Variants in YJU2 observed in about 807,000 individuals in gnomAD.
The protein encoded by YJU2 is splicing factor YJU2.
In YJU2, 28 loss-of-function variants were observed where a neutral mutation model predicts 39.6. That is an observed-to-expected ratio of 0.71 (90% CI 0.52 to 0.97). The LOEUF is 0.97. YJU2 is among the 50% of genes least tolerant of loss of function. The pLI is 0.00. For missense variants in YJU2, 328 were observed against 430.4 expected, an observed-to-expected ratio of 0.76 and a Z score of 2.11; for synonymous variants, 184 against 182.4, an observed-to-expected ratio of 1.01 and a Z score of -0.07.
chr19:4,249,797 C>A (rs1970961145), intron 2 of YJU2, among the ~76,000 whole-genome samples: 1 of 152,024 alleles, frequency 6.6e-6, no homozygotes, highest in South Asian at 2.1e-4. Flanking sequence ...ACCTCCACCT[C>A]CTGGCTTCAA....
At chr19:4,250,112 C>T (rs924686348) in intron 2 of YJU2, among the ~76,000 whole-genome samples, 1 of 152,188 alleles carries the variant, frequency 6.6e-6, no homozygotes, top group Non-Finnish European at 1.5e-5. Context: ...GTGCCCAGAT[C>T]TTGCCTTTTG....
At chr19:4,267,373 G>A (rs928401339) in intron 6 of YJU2, among the ~76,000 whole-genome samples, 5 of 152,208 alleles carry the variant, frequency 3.3e-5, no homozygotes, top group Non-Finnish European at 5.9e-5. Flanking sequence ...GGGTAAAGGC[G>A]TGGAGATGAG....
chr19:4,261,843 A>T (rs1480735323), intron 5 of YJU2, 151 bp from the exon 6 acceptor site: 5 of 686,992 alleles, frequency 7.3e-6, no homozygotes, highest in Non-Finnish European at 1.2e-5. Flanking sequence ...AAAAAAAAGT[A>T]ATCTGTGCTC....
chr19:4,263,793 G>C (rs979336665), intron 6 of YJU2, among the ~76,000 whole-genome samples: 1 of 135,778 alleles, frequency 7.4e-6, no homozygotes, highest in African/African-American at 2.9e-5. Flanking sequence ...CTGGGCAACA[G>C]AGTGAGACTC....
chr19:4,268,759 A>G lies in YJU2; in HGVS notation c.*63A>G. 8.2e-7 allele frequency: 1 copy of G among 1,224,474 alleles called. No homozygotes were observed. Among genetic ancestry groups the G allele is most frequent in the Non-Finnish European group, 1.2e-6 (1 of 847,418 alleles). 75.9% of individuals were successfully genotyped at this position (1,224,474 alleles called of 1,614,324 possible). A position where few individuals can be genotyped will look rare whatever the true frequency, so the allele number is the denominator to read the frequency against. ...GTCCAGCTTCAGCCACATTGAGGCC[A>G]GCATTGCTGGTGGTCAGGGCAGGAG... is the stretch of plus-strand genomic sequence containing the variant. On this transcript the variant is annotated 3_prime_UTR_variant, in exon 8 of 8. Coordinates refer to ENST00000262962, the MANE Select transcript of YJU2 (RefSeq NM_018074.6).
intron 3 of YJU2, among the ~76,000 whole-genome samples, 163 bp downstream of exon 3, chr19:4,251,334 T>C (rs1203423705): frequency 6.6e-6 from 1 of 152,028 alleles, no homozygotes; most frequent in African/African-American, 2.4e-5. Context: ...CATGGCAGCA[T>C]TCTAAATAAA....
intron 3 of YJU2, among the ~76,000 whole-genome samples, chr19:4,253,198 TACACACACACACACACACAC>T (rs58339658): frequency 2.2e-5 from 3 of 139,076 alleles, no homozygotes; most frequent in Non-Finnish European, 3.1e-5. Flanking sequence ...TGTCCGTGTC[TACACACACACACACACACAC>T]ACACACACAC....
At chr19:4,258,553 C>T in intron 5 of YJU2, 130 bp downstream of exon 5, 1 of 1,370,988 alleles carries the variant, frequency 7.3e-7, no homozygotes. Context: ...CACCGCCCAT[C>T]TCACTTTCTC....
At chr19:4,258,599 G>C (rs1971043423) in intron 5 of YJU2, among the ~76,000 whole-genome samples, 176 bp downstream of exon 5, 1 of 152,238 alleles carries the variant, frequency 6.6e-6, no homozygotes, top group Non-Finnish European at 1.5e-5. Flanking sequence ...CCAGGCCACT[G>C]CCGGGCACGG....
At chr19:4,259,075 T>C (rs1971048743) in intron 5 of YJU2, among the ~76,000 whole-genome samples, 3 of 111,156 alleles carry the variant, frequency 2.7e-5, no homozygotes, top group African/African-American at 9.4e-5. Context: ...ACTTTTCTTT[T>C]TTTTTTTTTT....
Position 4,267,765 on chromosome 19 carries a change from C to G in YJU2, c.850C>G (p.Pro284Ala), listed in dbSNP as rs143369003. The G allele has an allele frequency of 3.1e-6, 5 of 1,611,908 alleles. No individual in the cohort carries two copies. In the Admixed American group the frequency reaches 5.0e-5, roughly 16 times the overall value. Residue 284 changes from proline to alanine, a missense_variant, in exon 7 of 8, where the codon CCC becomes GCC. Coordinates refer to ENST00000262962, the MANE Select transcript of YJU2 (RefSeq NM_018074.6). The stretch of plus-strand genomic sequence containing the variant: ...CAGCAACGGGCAGCCTCAGGCGGCC[C>G]CCACCCCAGGTAAGGTCACAGAGTT... ...DCSNGQPQAA[P>A]TPGAPQNRKE...
chr19:4,251,719 C>T (rs182078068), intron 3 of YJU2, among the ~76,000 whole-genome samples: 1 of 148,952 alleles, frequency 6.7e-6, no homozygotes, highest in East Asian at 2.0e-4. Context: ...CACAGTGGCT[C>T]ATGCCTGTAA....
intron 3 of YJU2, among the ~76,000 whole-genome samples, chr19:4,251,683 T>TA (rs34528734): frequency 0.051 from 5,220 of 102,816 alleles, 303 homozygotes; most frequent in African/African-American, 0.14. Flanking sequence ...AGACTCCAAC[T>TA]AAAAAAAAAA....
chr19:4,262,478 G>A (rs1468680024), intron 6 of YJU2, among the ~76,000 whole-genome samples: 2 of 152,040 alleles, frequency 1.3e-5, no homozygotes, highest in Admixed American at 6.6e-5. Flanking sequence ...GATTACAGGC[G>A]TGAGCCACCA....
chr19:4,251,261 C>T (rs972553809), intron 3 of YJU2, 90 bp downstream of exon 3: 12 of 1,227,930 alleles, frequency 9.8e-6, no homozygotes, highest in African/African-American at 1.5e-5. Context: ...CCAATCCTCT[C>T]CATCCAGGGA....
Position 4,268,283 on chromosome 19 carries a change from A to G in YJU2, c.860-301A>G, listed in dbSNP as rs538462874. Among the ~76,000 whole-genome samples, 13 of 152,296 alleles carry G rather than the reference A, an allele frequency of 8.5e-5. No homozygotes were observed. In the South Asian group the frequency reaches 2.7e-3, roughly 32 times the overall value. ...TAGTTGCCTTAGTATGATGTTTCCT[A>G]AGGCGATTAAGTCCACAGTGACTGG... On this transcript the variant is annotated intron_variant, in intron 7 of 7. Transcript: ENST00000262962.
rs747745098 is a variant in YJU2, at chr19:4,258,247, G to A, written c.411G>A (p.Leu137=). 6 of 1,552,286 alleles carry A rather than the reference G, an allele frequency of 3.9e-6. No individual in the cohort carries two copies. The highest frequency in any genetic ancestry group is 1.4e-5 in the African/African-American group (1 of 73,216). The change falls in exon 5 of 8, where the codon CTG becomes CTA. Residue 137 remains leucine, a synonymous_variant. Transcript: ENST00000262962. ...DEELNNPMKV[L]ENRTKDSKLE... is the part of the protein sequence containing the mutation. ...CGCCGCCCCGCGCCCGCCAGGTGCT[G>A]GAGAACCGGACCAAGGACTCCAAGC...
At chr19:4,265,854 C>T (rs989222104) in intron 6 of YJU2, among the ~76,000 whole-genome samples, 3 of 152,100 alleles carry the variant, frequency 2.0e-5, no homozygotes, top group African/African-American at 7.2e-5. Flanking sequence ...CCGCCTCGGC[C>T]TCCCAAAGTG....
At position 4,258,362 on chromosome 19, in the gene YJU2, C is replaced by A; in HGVS notation, c.526C>A (p.His176Asn). 6.3e-7 allele frequency: 1 copy of A among 1,596,158 alleles called. No homozygotes were observed. Among genetic ancestry groups the A allele is most frequent in the Non-Finnish European group, 8.5e-7 (1 of 1,173,296 alleles). The change falls in exon 5 of 8, where the codon CAC becomes AAC. Residue 176 changes from histidine (H) to asparagine (N), a missense_variant. This residue lies in a region of YJU2 where 244 missense variants were observed against 264.6 expected (regional missense o/e 0.92). Coordinates refer to ENST00000262962, the MANE Select transcript of YJU2 (RefSeq NM_018074.6). Reference sequence around the variant, plus strand: ...GGACTTCGAGGCTATGCTGAGGCAGCACCGCCTGTCGGAGGAGGAGCGGCG... The same window carrying A: ...GGACTTCGAGGCTATGCTGAGGCAGAACCGCCTGTCGGAGGAGGAGCGGCG... Reference protein sequence around the residue: ...HVDFEAMLRQHRLSEEERRRQ... With the variant: ...HVDFEAMLRQNRLSEEERRRQ...
Sources: allele counts gnomAD v4.1 joint callset (sites outside exome capture counted in the v4.1 genomes callset), GRCh38; gene constraint gnomAD v4.1.1; regional missense constraint gnomAD v4.1.1; transcripts MANE v1.5; gene names NCBI Gene and HGNC (gene_info 2026-07-23, HGNC 2026-07-21).